The following PIGN variants were observed in gnomAD, a reference collection of about 807,000 sequenced individuals.
PIGN encodes the protein GPI ethanolamine phosphate transferase 1.
Under a neutral mutation model 125.4 loss-of-function variants are expected in PIGN, and 117 were observed. The ratio of observed to expected loss-of-function variants is 0.93; its 90% confidence interval spans 0.80 to 1.09. PIGN has a LOEUF of 1.09. Among genes scored for constraint, PIGN ranks in the 50% least tolerant of loss-of-function variants. The pLI, the probability that PIGN is intolerant of heterozygous loss-of-function variation, is 0.00. For missense variants in PIGN, 1,075 were observed against 1,094.9 expected (o/e 0.98, Z 0.26); for synonymous variants, 392 against 377.8 (o/e 1.04, Z -0.44).
At chr18:62,142,863 A>G (rs1198419864) in intron 11 of PIGN, among the ~76,000 whole-genome samples, 1 of 152,124 alleles carries the variant, frequency 6.6e-6, no homozygotes, top group South Asian at 2.1e-4. Flanking sequence ...TAATCTCATC[A>G]TTTTTTTCCC....
chr18:62,171,672 T>C (rs2037348967), intron 1 of PIGN, among the ~76,000 whole-genome samples: 1 of 152,172 alleles, frequency 6.6e-6, no homozygotes, highest in African/African-American at 2.4e-5. Context: ...TTTTGTCAAA[T>C]ACTTTTTGTT....
At chr18:62,140,920 C>T (rs1028098726) in intron 11 of PIGN, among the ~76,000 whole-genome samples, 1 of 152,116 alleles carries the variant, frequency 6.6e-6, no homozygotes, top group Non-Finnish European at 1.5e-5. Flanking sequence ...AAGACATAAA[C>T]CAGAGAAGAG....
chr18:62,045,875 G>T lies in PIGN; in HGVS notation c.2777C>A (p.Pro926His). ...TTKKLRLCGK[P>H]KSHFM ...GCAACCTCACATGAAGTGACTTTTGGGTTTGCCACATAGTCTGAGTTTCTT... is the reference window on the plus strand; with the variant it reads ...GCAACCTCACATGAAGTGACTTTTGTGTTTGCCACATAGTCTGAGTTTCTT... The change falls in exon 31 of 31, where the codon CCC becomes CAC. Residue 926 changes from proline to histidine, a missense_variant. This residue lies in a region of PIGN where 915 missense variants were observed against 908.7 expected (regional missense o/e 1.01). Transcript: ENST00000640252. 1 of 1,613,772 alleles carries T rather than the reference G, an allele frequency of 6.2e-7. No individual in the cohort carries two copies. Among genetic ancestry groups the T allele is most frequent in the Non-Finnish European group, 8.5e-7 (1 of 1,179,772 alleles).
At chr18:62,155,507 G>T (rs1438100051) in intron 6 of PIGN, among the ~76,000 whole-genome samples, 5 of 151,976 alleles carry the variant, frequency 3.3e-5, no homozygotes. Flanking sequence ...AGGCAGAGGT[G>T]GCAGTGAGCT....
chr18:62,177,392 T>G (rs759671861), intron 1 of PIGN, among the ~76,000 whole-genome samples: 8 of 152,200 alleles, frequency 5.3e-5, no homozygotes, highest in Non-Finnish European at 7.3e-5. Context: ...TTTGATGCTC[T>G]TATCTCGTTC....
chr18:62,023,803 G>T (rs530674508), intron 23 of PIGN, among the ~76,000 whole-genome samples: 2 of 152,344 alleles, frequency 1.3e-5, no homozygotes, highest in Admixed American at 1.3e-4. Context: ...ACAGTGACCA[G>T]TCACTGATAG....
chr18:62,168,081 C>T (rs1230205068), intron 1 of PIGN, among the ~76,000 whole-genome samples: 3 of 151,654 alleles, frequency 2.0e-5, no homozygotes, highest in Admixed American at 1.3e-4. Context: ...CCACTTGGGA[C>T]GCTGAGGCAG....
chr18:62,116,407 C>A (rs1277604168), intron 14 of PIGN, among the ~76,000 whole-genome samples: 1 of 152,182 alleles, frequency 6.6e-6, no homozygotes, highest in Non-Finnish European at 1.5e-5. Context: ...CAATTCTAAT[C>A]TTCCTGGACT....
intron 30 of PIGN, among the ~76,000 whole-genome samples, chr18:62,068,060 G>A (rs1039168842): frequency 2.0e-5 from 3 of 152,080 alleles, no homozygotes; most frequent in African/African-American, 7.2e-5. Flanking sequence ...TACTAAAGTG[G>A]AGGCACATAT....
chr18:62,037,596 C>G (rs1455997013), downstream of PIGN, among the ~76,000 whole-genome samples: 1 of 152,234 alleles, frequency 6.6e-6, no homozygotes, highest in African/African-American at 2.4e-5. Flanking sequence ...CGGGTCCATG[C>G]TCTGTGTTCC....
At chr18:62,065,542 T>G (rs552439194) in intron 30 of PIGN, among the ~76,000 whole-genome samples, 1 of 151,934 alleles carries the variant, frequency 6.6e-6, no homozygotes, top group Middle Eastern at 3.2e-3. Flanking sequence ...ATCGAGACCA[T>G]CCTGGCTAAG....
At position 62,041,437 on chromosome 18, in the gene PIGN, C is replaced by T. The variant is rs1224401268; in HGVS notation, c.*4419G>A. The T allele has an allele frequency of 6.6e-6, 1 of 152,130 alleles. No individual in the cohort carries two copies. The highest frequency in any genetic ancestry group is 1.5e-5 in the Non-Finnish European group (1 of 68,018). 9.4% of individuals were successfully genotyped at this position (152,130 alleles called of 1,614,324 possible). On this transcript the variant is annotated 3_prime_UTR_variant, in exon 31 of 31. Coordinates refer to ENST00000640252, the MANE Select transcript of PIGN (RefSeq NM_176787.5). ...CAGGGAAAAAAATTCAATCAACATACAACACCCTATTTTCAAAACTATGAC... is the reference window on the plus strand; with the variant it reads ...CAGGGAAAAAAATTCAATCAACATATAACACCCTATTTTCAAAACTATGAC...
intron 2 of PIGN, among the ~76,000 whole-genome samples, chr18:62,163,032 A>G (rs1485408480): frequency 6.6e-6 from 1 of 152,168 alleles, no homozygotes; most frequent in African/African-American, 2.4e-5. Flanking sequence ...AAACATGTAA[A>G]TAACTGTTTA....
intron 28 of PIGN, among the ~76,000 whole-genome samples, chr18:62,080,505 G>A (rs1435022029): frequency 6.6e-6 from 1 of 152,180 alleles, no homozygotes; most frequent in South Asian, 2.1e-4. Context: ...TAGAGACATA[G>A]TCAGAAATCT....
chr18:62,091,847 A>T (rs1017472657), intron 23 of PIGN, among the ~76,000 whole-genome samples: 2 of 152,170 alleles, frequency 1.3e-5, no homozygotes, highest in African/African-American at 4.8e-5. Flanking sequence ...TTTGAAAACC[A>T]AGTCTGTCTG....
chr18:62,023,614 T>C (rs2030080398), intron 23 of PIGN, among the ~76,000 whole-genome samples: 1 of 152,234 alleles, frequency 6.6e-6, no homozygotes, highest in African/African-American at 2.4e-5. Flanking sequence ...TAACTCAATT[T>C]ACATTTGATT....
intron 28 of PIGN, among the ~76,000 whole-genome samples, chr18:62,079,450 G>A (rs2033342918): frequency 6.6e-6 from 1 of 152,158 alleles, no homozygotes; most frequent in South Asian, 2.1e-4. Flanking sequence ...ACTGAAAATG[G>A]CTAATGCCAC....
chr18:62,069,003 C>T (rs1399035176), intron 30 of PIGN, among the ~76,000 whole-genome samples: 1 of 152,198 alleles, frequency 6.6e-6, no homozygotes, highest in African/African-American at 2.4e-5. Context: ...CACGGATCTG[C>T]TTCCTCCTCC....
intron 23 of PIGN, among the ~76,000 whole-genome samples, chr18:62,031,089 G>C (rs1014088956): frequency 1.3e-5 from 2 of 152,174 alleles, no homozygotes; most frequent in African/African-American, 4.8e-5. Flanking sequence ...CATGTCAAGG[G>C]CAAGGCCAGG....
Sources: gnomAD v4.1 joint callset for allele counts (sites outside exome capture counted in the v4.1 genomes callset) on GRCh38, gnomAD v4.1.1 for gene constraint, gnomAD v4.1.1 regional missense constraint, MANE v1.5 for transcripts, NCBI Gene and HGNC (gene_info 2026-07-23, HGNC 2026-07-21) for gene names.